GRM5: variants seen among roughly 807,000 people sequenced by gnomAD.
GRM5 encodes metabotropic glutamate receptor 5.
In GRM5, 19 loss-of-function variants were observed where a neutral mutation model predicts 83.1. The ratio of observed to expected loss-of-function variants is 0.23; its 90% CI spans 0.16 to 0.34. GRM5 has a LOEUF of 0.34. GRM5 is among the 10% of genes least tolerant of loss of function. GRM5 has a pLI of 1.00. For synonymous variants in GRM5, 675 were observed against 633.6 expected, an observed-to-expected ratio of 1.07 and a Z score of -0.98; for missense variants, 1,160 against 1,588.3, an observed-to-expected ratio of 0.73 and a Z score of 4.58.
At chr11:89,051,193 T>G (rs979375081) in intron 1 of GRM5, among the ~76,000 whole-genome samples, 6 of 151,470 alleles carry the variant, frequency 4.0e-5, no homozygotes, top group African/African-American at 1.5e-4. Context: ...GAGGCAGGGC[T>G]TGCAGTGAGT....
At chr11:88,631,213 A>G (rs1938960474) in intron 4 of GRM5, among the ~76,000 whole-genome samples, 1 of 152,192 alleles carries the variant, frequency 6.6e-6, no homozygotes, top group Admixed American at 6.5e-5. Flanking sequence ...ATCTTAGAGA[A>G]TGGCACCTGT....
intron 3 of GRM5, among the ~76,000 whole-genome samples, chr11:88,738,865 C>T (rs555477845): frequency 1.3e-5 from 2 of 152,152 alleles, no homozygotes; most frequent in South Asian, 4.1e-4. Context: ...AGTCCTGAAC[C>T]TTTCATTGAA....
chr11:88,621,906 G>C (rs2135257539), intron 4 of GRM5, among the ~76,000 whole-genome samples: 1 of 152,242 alleles, frequency 6.6e-6, no homozygotes, highest in South Asian at 2.1e-4. Context: ...GCACACATGA[G>C]AGATTAATCA....
intron 4 of GRM5, among the ~76,000 whole-genome samples, chr11:88,631,933 T>A (rs940032033): frequency 2.6e-5 from 4 of 152,186 alleles, no homozygotes; most frequent in Non-Finnish European, 5.9e-5. Flanking sequence ...TATAGATATA[T>A]ATGTATAAAA....
intron 2 of GRM5, among the ~76,000 whole-genome samples, chr11:89,039,486 C>T (rs1379527012): frequency 2.6e-5 from 4 of 151,922 alleles, no homozygotes; most frequent in African/African-American, 9.7e-5. Flanking sequence ...AGAACTAACT[C>T]ACTATCTCCT....
At chr11:88,519,074 T>C (rs1941605465) in intron 9 of GRM5, among the ~76,000 whole-genome samples, 2 of 149,994 alleles carry the variant, frequency 1.3e-5, no homozygotes, top group Non-Finnish European at 3.0e-5. Flanking sequence ...ATTATGAAGT[T>C]GGGCAGAGTT....
chr11:88,629,737 C>A (rs1719781253), intron 4 of GRM5, among the ~76,000 whole-genome samples: 1 of 152,172 alleles, frequency 6.6e-6, no homozygotes. Flanking sequence ...CTCTTTGACT[C>A]ACACATTCCA....
At chr11:88,596,933 T>C (rs1381188075) in intron 6 of GRM5, among the ~76,000 whole-genome samples, 1 of 152,100 alleles carries the variant, frequency 6.6e-6, no homozygotes. Flanking sequence ...CAGGAAGTCA[T>C]GTCTTTAAAG....
rs567718223 is a variant in GRM5, at chr11:88,790,540, T to G, written c.911+59366A>C. Among the ~76,000 whole-genome samples, 61 of 152,242 alleles carry G rather than the reference T, an allele frequency of 4.0e-4. 1 individual carries two copies. In the South Asian group the frequency reaches 0.012, roughly 31 times the overall value. On this transcript the variant is annotated intron_variant, in intron 3 of 9. Transcript: ENST00000305447. Reference sequence around the variant, plus strand: ...CAGGAAACTCTTCTTTTTTAATATATAGAATAGTACTAGGAGAGAAGGTAT... The same window carrying G: ...CAGGAAACTCTTCTTTTTTAATATAGAGAATAGTACTAGGAGAGAAGGTAT...
chr11:88,959,772 A>T (rs1938729158), intron 2 of GRM5, among the ~76,000 whole-genome samples: 1 of 152,188 alleles, frequency 6.6e-6, no homozygotes, highest in South Asian at 2.1e-4. Context: ...CCTAGCCAGG[A>T]AGAGGGAAAT....
At chr11:88,652,946 A>G in intron 4 of GRM5, among the ~76,000 whole-genome samples, 1 of 152,034 alleles carries the variant, frequency 6.6e-6, no homozygotes, top group East Asian at 1.9e-4. Context: ...GAATGATACA[A>G]ATAGAAATGA....
chr11:89,025,993 T>C (rs774103592), intron 2 of GRM5, among the ~76,000 whole-genome samples: 6 of 152,160 alleles, frequency 3.9e-5, no homozygotes, highest in Non-Finnish European at 8.8e-5. Context: ...AGTGAAATAC[T>C]ACACAGCCAT....
chr11:88,508,799 G>A lies in GRM5; in HGVS notation c.3432C>T (p.Pro1144=), dbSNP rs761501467. 1.4e-5 allele frequency: 21 copies of A among 1,475,864 alleles called. No homozygotes were observed. The East Asian group carries it at 3.4e-4, about 24-fold the overall frequency. 91.4% of individuals were successfully genotyped at this position (1,475,864 alleles called of 1,614,324 possible). ...QAAGDAARES[P]AAGPEAAAAK... ...CGGCCGCAGCCTCGGGACCGGCCGC[G>A]GGGCTCTCCCGGGCCGCGTCCCCAG... Residue 1144 remains proline (P), a synonymous_variant, in exon 10 of 10, where the codon CCC becomes CCT. Transcript: ENST00000305447. This position sits in a 1 kb window ranked among gnomAD's most constrained non-coding sequence, Gnocchi z 4.2.
intron 7 of GRM5, among the ~76,000 whole-genome samples, chr11:88,582,690 G>A (rs1448455680): frequency 6.6e-6 from 1 of 152,142 alleles, no homozygotes; most frequent in African/African-American, 2.4e-5. Flanking sequence ...TTTAATAGAT[G>A]CCAAGAATTT....
At chr11:88,623,106 A>G (rs891463869) in intron 4 of GRM5, among the ~76,000 whole-genome samples, 1 of 151,944 alleles carries the variant, frequency 6.6e-6, no homozygotes, top group African/African-American at 2.4e-5. Flanking sequence ...TTTTTTTGAG[A>G]CAGAGTTTCA....
chr11:88,905,684 G>A (rs951116797), intron 2 of GRM5, among the ~76,000 whole-genome samples: 27 of 152,014 alleles, frequency 1.8e-4, no homozygotes, highest in Non-Finnish European at 3.5e-4. Flanking sequence ...TATTAGATTG[G>A]TTCACCTGGA....
chr11:89,036,465 C>T (rs1183851636), intron 2 of GRM5, among the ~76,000 whole-genome samples: 3 of 152,002 alleles, frequency 2.0e-5, no homozygotes, highest in Admixed American at 6.6e-5. Context: ...CAAGATAAGG[C>T]AAGACAGGTT....
intron 3 of GRM5, among the ~76,000 whole-genome samples, chr11:88,792,790 G>GT (rs200929512): frequency 0.012 from 1,796 of 151,930 alleles, 54 homozygotes; most frequent in Admixed American, 0.073. Flanking sequence ...AATTATTAGT[G>GT]TTTTTTTAAT....
chr11:88,802,243 C>CA (rs1943411530), intron 3 of GRM5, among the ~76,000 whole-genome samples: 1 of 151,956 alleles, frequency 6.6e-6, no homozygotes, highest in African/African-American at 2.4e-5. Flanking sequence ...GCTCAGCTCA[C>CA]AAAAATCAGA....
Sources: gnomAD v4.1 joint callset for allele counts (sites outside exome capture counted in the v4.1 genomes callset) on GRCh38, gnomAD v4.1.1 for gene constraint, Gnocchi (gnomAD v3.1) non-coding constraint, MANE v1.5 for transcripts, NCBI Gene and HGNC (gene_info 2026-07-23, HGNC 2026-07-21) for gene names.